The following SSBP3 variants were observed in gnomAD, a reference collection of about 807,000 sequenced individuals.
The protein encoded by SSBP3 is single-stranded DNA-binding protein 3.
SSBP3 carries 5 observed loss-of-function variants against 69.6 expected under a neutral mutation model. That is an observed-to-expected ratio of 0.07 (90% CI 0.04 to 0.15). The LOEUF (loss-of-function observed/expected upper bound fraction) is 0.15, where lower values mean the gene tolerates loss of function less well. SSBP3 is among the 10% of genes least tolerant of loss of function. SSBP3 has a pLI of 1.00. For missense variants in SSBP3, 312 were observed against 534.0 expected, an observed-to-expected ratio of 0.58 and a Z score of 4.10; for synonymous variants, 196 against 193.4, an observed-to-expected ratio of 1.01 and a Z score of -0.11.
At chr1:54,228,395 A>G (rs149808657) in intron 16 of SSBP3, 39 bp from the exon 17 acceptor site, 2 of 1,614,194 alleles carry the variant, frequency 1.2e-6, no homozygotes, top group East Asian at 4.5e-5. Context: ...CTGTGTCCCC[A>G]ACAACCTGCC....
chr1:54,382,414 A>G (rs1290381906), intron 4 of SSBP3, among the ~76,000 whole-genome samples: 1 of 152,156 alleles, frequency 6.6e-6, no homozygotes, highest in Admixed American at 6.5e-5. Context: ...GATAAAGGGG[A>G]GGAAAATAGT....
At chr1:54,411,426 C>T (rs542051447) in intron 1 of SSBP3, among the ~76,000 whole-genome samples, 6 of 150,434 alleles carry the variant, frequency 4.0e-5, no homozygotes, top group African/African-American at 1.5e-4. Context: ...TGCAGTGAGC[C>T]GAGCTCGCAC....
rs951641895 is a variant in SSBP3, at chr1:54,401,796, G to C, written c.276+65C>G. On this transcript the variant is annotated intron_variant, in intron 4 of 17. Transcript: ENST00000610401. ...TGCGAACTGGCTGTGTTTGCTTTTC[G>C]TACTAGAGAAGTTAGAGCTATCCAA... The C allele has an allele frequency of 2.8e-6, 4 of 1,404,248 alleles. No homozygotes were observed. The African/African-American group carries it at 5.7e-5, about 20-fold the overall frequency. The allele number at this position is 1,404,248 out of a possible 1,614,324, so 87.0% of individuals were successfully genotyped here.
At chr1:54,262,588 CA>C (rs1266966895) in intron 5 of SSBP3, among the ~76,000 whole-genome samples, 2 of 152,202 alleles carry the variant, frequency 1.3e-5, no homozygotes, top group African/African-American at 4.8e-5. Context: ...AACGATTACA[CA>C]GAGAGAAATA....
At chr1:54,329,077 G>C (rs1053713916) in intron 4 of SSBP3, among the ~76,000 whole-genome samples, 2 of 149,690 alleles carry the variant, frequency 1.3e-5, no homozygotes, top group Admixed American at 1.3e-4. Context: ...TGGCTTTCTT[G>C]ACTAGCCTCA....
intron 5 of SSBP3, among the ~76,000 whole-genome samples, chr1:54,277,391 T>G (rs1236332525): frequency 6.6e-6 from 1 of 152,156 alleles, no homozygotes; most frequent in Non-Finnish European, 1.5e-5. Context: ...CTCCCTCCTT[T>G]TATCTAATTC....
rs369195048 is a variant in SSBP3 at position 54,237,648 on chromosome 1, A to AGTGATGCCTGGGTCATGCTG, written c.927+1480_927+1481insCAGCATGACCCAGGCATCAC. Reference sequence around the variant, plus strand: ...ACATGGTCATTTAACCTTCTTTCCCAGTGATGCCTGGGTCACGCTGGTGCT... The same window carrying AGTGATGCCTGGGTCATGCTG: ...ACATGGTCATTTAACCTTCTTTCCCAGTGATGCCTGGGTCATGCTGGTGATGCCTGGGTCACGCTGGTGCT... On this transcript the variant is annotated intron_variant, in intron 14 of 17. Transcript: ENST00000610401. 588 of 157,706 alleles carry AGTGATGCCTGGGTCATGCTG rather than the reference A, an allele frequency of 3.7e-3. 2 individuals are homozygous for AGTGATGCCTGGGTCATGCTG. The highest frequency in any genetic ancestry group is 0.013 in the African/African-American group (550 of 41,650). The allele number at this position is 157,706 out of a possible 1,614,324, so 9.8% of individuals were successfully genotyped here.
intron 4 of SSBP3, among the ~76,000 whole-genome samples, chr1:54,308,907 C>CA (rs36005529): frequency 0.14 from 20,364 of 144,978 alleles, 1,388 homozygotes; most frequent in East Asian, 0.17. Context: ...ACCTCCCCTG[C>CA]AAAAAAAAAA....
intron 3 of SSBP3, 54 bp from the exon 4 acceptor site, chr1:54,401,999 C>T: frequency 6.6e-7 from 1 of 1,512,374 alleles, no homozygotes; most frequent in Non-Finnish European, 9.2e-7. Flanking sequence ...CTTGTGTACA[C>T]AAGGGCAAGT....
intron 4 of SSBP3, among the ~76,000 whole-genome samples, chr1:54,340,741 A>C (rs932167830): frequency 5.9e-5 from 9 of 152,190 alleles, no homozygotes; most frequent in African/African-American, 2.2e-4. Context: ...AAACGACGTA[A>C]AACAAGGTTG....
At chr1:54,404,480 G>A (rs1323609830) in intron 3 of SSBP3, 96 bp downstream of exon 3, 3 of 1,466,278 alleles carry the variant, frequency 2.0e-6, no homozygotes, top group Admixed American at 1.7e-5. Context: ...AGGGCCACAG[G>A]GCGGAGGGCC....
rs545712965 is a variant in SSBP3 at position 54,251,549 on chromosome 1, A to G, written c.651+67T>C. 6.1e-6 allele frequency: 9 copies of G among 1,481,000 alleles called. No homozygotes were observed. In the Admixed American group the frequency reaches 8.1e-5, roughly 13 times the overall value. The allele number at this position is 1,481,000 out of a possible 1,614,324, so 91.7% of individuals were successfully genotyped here. On this transcript the variant is annotated intron_variant, in intron 9 of 17. Coordinates refer to ENST00000610401, the Ensembl canonical transcript of SSBP3. Reference sequence around the variant, plus strand: ...GATGTGGGAGACTGACAGAGCATGGAAACAGGAGAGAAGGCGGGTGCACAC... The same window carrying G: ...GATGTGGGAGACTGACAGAGCATGGGAACAGGAGAGAAGGCGGGTGCACAC...
chr1:54,231,697 T>C (rs1002859599), intron 14 of SSBP3, among the ~76,000 whole-genome samples: 11 of 152,190 alleles, frequency 7.2e-5, no homozygotes, highest in Admixed American at 2.0e-4. Context: ...TTTTTATTAT[T>C]TTTTAATTTA....
rs76928693 is a variant in SSBP3, at chr1:54,372,991, A to T, written c.276+28870T>A. Among the ~76,000 whole-genome samples the T allele has an allele frequency of 1.9e-3, 289 of 152,298 alleles. 16 individuals are homozygous for T. In the South Asian group the frequency reaches 0.041, roughly 21 times the overall value. On this transcript the variant is annotated intron_variant, in intron 4 of 17. Transcript: ENST00000610401. ...GGGGAGATGTTTTTGTAAAAAATGC[A>T]ATGTCTTTATATAATTTCCCCATGG...
intron 4 of SSBP3, among the ~76,000 whole-genome samples, chr1:54,296,473 T>C (rs929700982): frequency 6.6e-5 from 10 of 152,328 alleles, no homozygotes; most frequent in African/African-American, 2.4e-4. Context: ...TTAATTTAAA[T>C]TTGGGCCTTC....
In SSBP3 at chr1:54,258,045, G is replaced by A. The variant is rs1398238793; in HGVS notation, c.447+24C>T. 2 of 1,567,662 alleles carry A rather than the reference G, an allele frequency of 1.3e-6. No homozygotes were observed. ...CCTCCGCGCCCCGCGTCCCCGGCGG[G>A]CGGGAGCGCCACGGTGCGTTTACCT... On this transcript the variant is annotated intron_variant, in intron 6 of 17. Coordinates refer to ENST00000610401, the Ensembl canonical transcript of SSBP3. This position sits in a 1 kb window ranked among gnomAD's most constrained non-coding sequence, Gnocchi z 4.5.
At chr1:54,314,156 G>C (rs1463583797) in intron 4 of SSBP3, among the ~76,000 whole-genome samples, 1 of 152,202 alleles carries the variant, frequency 6.6e-6, no homozygotes, top group Admixed American at 6.5e-5. Flanking sequence ...AGTTACTAAG[G>C]AGCAGAGTTG....
chr1:54,338,010 C>A (rs551681090), intron 4 of SSBP3, among the ~76,000 whole-genome samples: 3 of 152,258 alleles, frequency 2.0e-5, no homozygotes, highest in East Asian at 3.9e-4. Context: ...AAGTCCCAGG[C>A]CGACTGAGAA....
chr1:54,334,595 A>C (rs1254237216), intron 4 of SSBP3, among the ~76,000 whole-genome samples: 1 of 152,188 alleles, frequency 6.6e-6, no homozygotes, highest in Non-Finnish European at 1.5e-5. Flanking sequence ...AACCTCTCCA[A>C]GCCAGGGTCT....
Sources: gnomAD v4.1 joint callset for allele counts (sites outside exome capture counted in the v4.1 genomes callset) on GRCh38, gnomAD v4.1.1 for gene constraint, Gnocchi (gnomAD v3.1) non-coding constraint, MANE v1.5 for transcripts, NCBI Gene and HGNC (gene_info 2026-07-23, HGNC 2026-07-21) for gene names.